The following CHIC1 variants were observed in gnomAD, a reference collection of about 807,000 sequenced individuals.
CHIC1 encodes the protein cysteine rich hydrophobic domain 1, also known as cysteine-rich hydrophobic domain-containing protein 1.
In CHIC1, 7 loss-of-function variants were observed where a neutral mutation model predicts 18.5. The observed-to-expected ratio is 0.38, with a 90% confidence interval of 0.22 to 0.71. CHIC1 has a LOEUF of 0.71. Among genes scored for constraint, CHIC1 ranks in the 30% least tolerant of loss-of-function variants. The pLI, the probability that CHIC1 is intolerant of heterozygous loss-of-function variation, is 0.49. For synonymous variants in CHIC1, 77 were observed against 73.5 expected (o/e 1.05, Z -0.25); for missense variants, 159 against 176.9 (o/e 0.90, Z 0.57).
chrX:73,590,450 C>A lies in CHIC1; in HGVS notation c.507+5878C>A, dbSNP rs186319478. On this transcript the variant is annotated intron_variant, in intron 3 of 5. Transcript: ENST00000373502. Reference sequence around the variant, plus strand: ...GGTACAGTTGTTACAATTGATGAGCCAATATTGATATATTATAATTAACTA... The same window carrying A: ...GGTACAGTTGTTACAATTGATGAGCAAATATTGATATATTATAATTAACTA... 6.6e-3 allele frequency among the ~76,000 whole-genome samples: 735 copies of A among 110,829 alleles called. 5 individuals are homozygous for A. Among genetic ancestry groups the A allele is most frequent in the African/African-American group, 0.023 (692 of 30,600 alleles).
intron 3 of CHIC1, among the ~76,000 whole-genome samples, chrX:73,662,966 C>G (rs1311340679): frequency 1.8e-5 from 2 of 111,994 alleles, no homozygotes; most frequent in Non-Finnish European, 3.8e-5. Flanking sequence ...TGAAGAAGCA[C>G]TTTCCAGTGA....
At chrX:73,599,500 G>A (rs1216916968) in intron 3 of CHIC1, among the ~76,000 whole-genome samples, 8 of 101,270 alleles carry the variant, frequency 7.9e-5, no homozygotes, top group Non-Finnish European at 1.6e-4. Context: ...ATCTTGAATT[G>A]ATTTTTGTAT....
intron 3 of CHIC1, among the ~76,000 whole-genome samples, chrX:73,614,730 G>T (rs952357213): frequency 1.0e-4 from 11 of 109,515 alleles, no homozygotes; most frequent in African/African-American, 3.3e-4. Flanking sequence ...CTTTTTTATG[G>T]TATCTATCTC....
At chrX:73,662,670 G>C (rs896924768) in intron 3 of CHIC1, among the ~76,000 whole-genome samples, 18 of 108,951 alleles carry the variant, frequency 1.7e-4, no homozygotes, top group Non-Finnish European at 3.0e-4. Context: ...CAAGTTGCTA[G>C]TATTTAATTT....
intron 3 of CHIC1, among the ~76,000 whole-genome samples, chrX:73,656,254 TG>T (rs1351651945): frequency 8.9e-6 from 1 of 111,911 alleles, no homozygotes; most frequent in African/African-American, 3.2e-5. Flanking sequence ...GTAGATTTTT[TG>T]TTCACCCTGA....
rs1376996342 is a variant in CHIC1, at chrX:73,679,371, T to C, written c.553T>C (p.Leu185=). Residue 185 remains leucine (L), a synonymous_variant, in exon 4 of 6, where the codon TTA becomes CTA. Transcript: ENST00000373502. ...QKLIEWENNR[L]YHKLALHWKL... ...GTTAATAGAATGGGAAAATAACAGATTATATCACAAGGTAAGAAATTTTAA... is the reference window on the plus strand; with the variant it reads ...GTTAATAGAATGGGAAAATAACAGACTATATCACAAGGTAAGAAATTTTAA... The C allele has an allele frequency of 2.7e-6, 3 of 1,127,390 alleles. No individual in the cohort carries two copies. The African/African-American group carries it at 5.4e-5, about 20-fold the overall frequency. 92.9% of individuals were successfully genotyped at this position (1,127,390 alleles called of 1,213,427 possible). A position where few individuals can be genotyped will look rare whatever the true frequency, so the allele number is the denominator to read the frequency against.
intron 3 of CHIC1, among the ~76,000 whole-genome samples, chrX:73,596,309 A>G (rs931054322): frequency 9.0e-6 from 1 of 111,555 alleles, no homozygotes; most frequent in African/African-American, 3.3e-5. Context: ...ACCTAGGAAT[A>G]CAACTTACAA....
intron 3 of CHIC1, among the ~76,000 whole-genome samples, chrX:73,662,051 A>G (rs765179439): frequency 1.8e-5 from 2 of 108,923 alleles, no homozygotes; most frequent in Admixed American, 2.0e-4. Context: ...TAAAAAAATA[A>G]ATAAAAATAA....
At chrX:73,629,714 C>A (rs1221145142) in intron 3 of CHIC1, among the ~76,000 whole-genome samples, 1 of 111,846 alleles carries the variant, frequency 8.9e-6, no homozygotes, top group African/African-American at 3.2e-5. Context: ...AGTTTGAAAT[C>A]AGGAAGATTA....
intron 3 of CHIC1, among the ~76,000 whole-genome samples, chrX:73,599,826 G>A (rs1354563617): frequency 9.4e-6 from 1 of 105,880 alleles, no homozygotes; most frequent in African/African-American, 3.7e-5. Context: ...GCTCTTTTTT[G>A]GTTCCATATG....
chrX:73,660,364 A>G (rs2057973693), intron 3 of CHIC1, among the ~76,000 whole-genome samples: 1 of 112,092 alleles, frequency 8.9e-6, no homozygotes, highest in Admixed American at 9.4e-5. Context: ...CCAAGCAGTT[A>G]CATTATTAGA....
At chrX:73,585,919 A>G (rs2057550777) in intron 3 of CHIC1, among the ~76,000 whole-genome samples, 1 of 110,981 alleles carries the variant, frequency 9.0e-6, no homozygotes, top group Non-Finnish European at 1.9e-5. Context: ...ATCCTCCATT[A>G]CTTTGGATAA....
chrX:73,668,898 C>T (rs1380565514), intron 3 of CHIC1, among the ~76,000 whole-genome samples: 1 of 112,563 alleles, frequency 8.9e-6, no homozygotes. Context: ...ATCCCTTCAG[C>T]CCCCGATCAG....
At chrX:73,598,381 G>C (rs1213921420) in intron 3 of CHIC1, among the ~76,000 whole-genome samples, 2 of 105,943 alleles carry the variant, frequency 1.9e-5, no homozygotes, top group Admixed American at 1.0e-4. Context: ...TGCACATTGT[G>C]CAGGTTAGTT....
intron 3 of CHIC1, among the ~76,000 whole-genome samples, chrX:73,641,998 G>T (rs369463441): frequency 9.0e-6 from 1 of 111,420 alleles, no homozygotes; most frequent in African/African-American, 3.3e-5. Context: ...TGTGTCTTTA[G>T]AGCAGCATGA....
chrX:73,680,951 G>T lies in CHIC1; in HGVS notation c.625-4G>T, dbSNP rs1283924168. ...GTAAATATATTCTTGTTTTTATTTT[G>T]CAGGTAATACTAATAGAATTCTTAC... On this transcript the variant is annotated splice_polypyrimidine_tract_variant and splice_region_variant and intron_variant, in intron 5 of 5. Transcript: ENST00000373502. 5 of 987,613 alleles carry T rather than the reference G, an allele frequency of 5.1e-6. No individual in the cohort carries two copies. Among genetic ancestry groups the T allele is most frequent in the African/African-American group, 1.9e-5 (1 of 52,069 alleles). 81.4% of individuals were successfully genotyped at this position (987,613 alleles called of 1,213,427 possible).
chrX:73,642,460 T>G (rs377596209), intron 3 of CHIC1, among the ~76,000 whole-genome samples: 172 of 109,074 alleles, frequency 1.6e-3, no homozygotes, highest in Non-Finnish European at 2.3e-3. Flanking sequence ...TTTCTCCCAT[T>G]TTGTAGGTTG....
chrX:73,631,509 T>C (rs181715381), intron 3 of CHIC1, among the ~76,000 whole-genome samples: 1,228 of 110,454 alleles, frequency 0.011, 6 homozygotes, highest in Non-Finnish European at 0.018. Context: ...GGCACATGCC[T>C]GTAATTCCAG....
At chrX:73,628,210 G>A (rs1178486942) in intron 3 of CHIC1, among the ~76,000 whole-genome samples, 1 of 111,577 alleles carries the variant, frequency 9.0e-6, no homozygotes, top group Non-Finnish European at 1.9e-5. Flanking sequence ...CAAGTTGAAG[G>A]AGGGGGTCTC....
Sources: allele counts gnomAD v4.1 joint callset (sites outside exome capture counted in the v4.1 genomes callset), GRCh38; gene constraint gnomAD v4.1.1; transcripts MANE v1.5; gene names NCBI Gene and HGNC (gene_info 2026-07-23, HGNC 2026-07-21).